Variants in RBFOX2 observed in about 807,000 individuals in gnomAD.
RBFOX2 encodes RNA binding protein fox-1 homolog 2.
Under a neutral mutation model 49.1 loss-of-function variants are expected in RBFOX2, and 10 were observed. That is an observed-to-expected ratio of 0.20 (90% CI 0.13 to 0.35). The LOEUF (loss-of-function observed/expected upper bound fraction) is 0.35, where lower values mean the gene tolerates loss of function less well. Among genes scored for constraint, RBFOX2 ranks in the 10% least tolerant of loss-of-function variants. The pLI is 1.00. For synonymous variants in RBFOX2, 183 were observed against 187.4 expected (o/e 0.98, Z 0.19); for missense variants, 323 against 486.9 (o/e 0.66, Z 3.17).
intron 1 of RBFOX2, among the ~76,000 whole-genome samples, chr22:35,817,662 C>A (rs1029268993): frequency 3.3e-5 from 5 of 152,020 alleles, no homozygotes; most frequent in Non-Finnish European, 7.4e-5. Context: ...ATGTAGGCCT[C>A]ACAATGGATC....
At chr22:35,767,540 G>A (rs1478361452) in intron 5 of RBFOX2, among the ~76,000 whole-genome samples, 1 of 152,122 alleles carries the variant, frequency 6.6e-6, no homozygotes, top group South Asian at 2.1e-4. Context: ...TTGGGAAAGG[G>A]GAAAGGAGCC....
intron 1 of RBFOX2, among the ~76,000 whole-genome samples, chr22:35,970,916 C>A (rs1008905556): frequency 2.6e-5 from 4 of 152,018 alleles, no homozygotes; most frequent in African/African-American, 9.7e-5. Context: ...ATCAGCTAGA[C>A]CCAAAAAACT....
intron 1 of RBFOX2, among the ~76,000 whole-genome samples, chr22:36,004,329 C>T (rs1030463671): frequency 2.0e-5 from 3 of 152,206 alleles, no homozygotes; most frequent in East Asian, 1.9e-4. Context: ...CACATCATTG[C>T]TACCCAAAAC....
exon 5 of RBFOX2, chr22:35,768,271 C>T (rs778630739): frequency 1.9e-6 from 3 of 1,614,044 alleles, no homozygotes; most frequent in South Asian, 1.1e-5. Flanking sequence ...ATTTTACGGC[C>T]CTCTACCACG....
At chr22:35,815,375 G>A (rs959647706) in intron 1 of RBFOX2, among the ~76,000 whole-genome samples, 1 of 152,156 alleles carries the variant, frequency 6.6e-6, no homozygotes, top group African/African-American at 2.4e-5. Context: ...AGTACTGTAA[G>A]AGAACACAGA....
exon 1 of RBFOX2, chr22:36,028,295 A>T: frequency 6.5e-7 from 1 of 1,531,924 alleles, no homozygotes; most frequent in East Asian, 2.7e-5. Flanking sequence ...CCGCTTGCTC[A>T]GGCCGGGATC....
At chr22:35,927,274 A>G (rs146134586) in intron 1 of RBFOX2, among the ~76,000 whole-genome samples, 1 of 152,330 alleles carries the variant, frequency 6.6e-6, no homozygotes, top group East Asian at 1.9e-4. Flanking sequence ...TAAATGCCCA[A>G]GATAGATATT....
chr22:35,879,153 C>T (rs2045549021), intron 1 of RBFOX2, among the ~76,000 whole-genome samples: 1 of 152,202 alleles, frequency 6.6e-6, no homozygotes, highest in South Asian at 2.1e-4. Context: ...AGGAGGAAGA[C>T]ATGAGTATAT....
At chr22:35,859,591 G>A (rs2042898180) in intron 1 of RBFOX2, among the ~76,000 whole-genome samples, 1 of 152,202 alleles carries the variant, frequency 6.6e-6, no homozygotes. Context: ...TAATAACAGA[G>A]TAAACCATGG....
intron 2 of RBFOX2, among the ~76,000 whole-genome samples, chr22:35,808,793 G>T (rs1199944906): frequency 1.3e-5 from 2 of 152,096 alleles, no homozygotes; most frequent in African/African-American, 4.8e-5. Flanking sequence ...AGGTTGCAGT[G>T]AGCTAGCTAT....
intron 3 of RBFOX2, among the ~76,000 whole-genome samples, chr22:35,778,326 A>G (rs1172379578): frequency 6.6e-6 from 1 of 152,210 alleles, no homozygotes; most frequent in African/African-American, 2.4e-5. Flanking sequence ...CCCATTAGAT[A>G]CTTCATGTGG....
At chr22:35,840,141 T>G (rs1958468853) in intron 1 of RBFOX2, 3 of 1,596,472 alleles carry the variant, frequency 1.9e-6, no homozygotes, top group Non-Finnish European at 2.6e-6. Flanking sequence ...AAACCTTTAT[T>G]TAGATCCCAG....
In RBFOX2 at chr22:35,948,346, T is replaced by TA. The variant is rs1482361316; in HGVS notation, c.43-9450dup. ...ACAAATCCACTTTGTTCTTGCATTT[T>TA]AAAAAAATAAAATAAAATTCAATCA... On this transcript the variant is annotated intron_variant, in intron 1 of 5. Coordinates refer to the RBFOX2 transcript ENST00000408983. Among the ~76,000 whole-genome samples, 13 of 152,166 alleles carry TA rather than the reference T, an allele frequency of 8.5e-5. No homozygotes were observed. The South Asian group carries it at 2.3e-3, about 27-fold the overall frequency.
chr22:35,888,040 C>T (rs1312396005), intron 1 of RBFOX2, among the ~76,000 whole-genome samples: 1 of 152,132 alleles, frequency 6.6e-6, no homozygotes, highest in Admixed American at 6.5e-5. Flanking sequence ...CCTCATACTA[C>T]ACAGAGTCCT....
chr22:35,777,423 AAACT>A (rs900973332), intron 4 of RBFOX2, among the ~76,000 whole-genome samples: 8 of 152,348 alleles, frequency 5.3e-5, no homozygotes, highest in Admixed American at 3.9e-4. Context: ...TATGCAAAAA[AAACT>A]AACTCACTGT....
upstream of RBFOX2, among the ~76,000 whole-genome samples, chr22:35,962,577 T>C (rs1051054941): frequency 2.0e-5 from 3 of 152,176 alleles, no homozygotes; most frequent in African/African-American, 2.4e-5. Flanking sequence ...CCTTTCATAA[T>C]CATAGATATA....
chr22:35,746,884 C>CT lies in RBFOX2; in HGVS notation c.888-324dup, dbSNP rs1932925122. 1.8e-5 allele frequency: 4 copies of CT among 227,274 alleles called. No individual in the cohort carries two copies. In the East Asian group the frequency reaches 3.4e-4, roughly 20 times the overall value. 14.1% of individuals were successfully genotyped at this position (227,274 alleles called of 1,614,324 possible). On this transcript the variant is annotated intron_variant, in intron 9 of 11. Transcript: ENST00000405409. ...TCTTACTTCACAGTCTTTGTTGGAACTTTCAAAAGCGAAAATATTTACAGC... is the reference window on the plus strand; with the variant it reads ...TCTTACTTCACAGTCTTTGTTGGAACTTTTCAAAAGCGAAAATATTTACAGC...
At chr22:36,008,335 T>C (rs2146333820) in intron 1 of RBFOX2, among the ~76,000 whole-genome samples, 1 of 152,132 alleles carries the variant, frequency 6.6e-6, no homozygotes, top group Non-Finnish European at 1.5e-5. Context: ...TTCAATCAAA[T>C]TTTGTCTCCA....
At chr22:35,784,854 C>T (rs1189179072) in intron 2 of RBFOX2, among the ~76,000 whole-genome samples, 1 of 152,192 alleles carries the variant, frequency 6.6e-6, no homozygotes, top group Non-Finnish European at 1.5e-5. Context: ...CGTTGCCGGC[C>T]GCTGCGGTGG....
Sources: allele counts gnomAD v4.1 joint callset (sites outside exome capture counted in the v4.1 genomes callset), GRCh38; gene constraint gnomAD v4.1.1; transcripts MANE v1.5; gene names NCBI Gene and HGNC (gene_info 2026-07-23, HGNC 2026-07-21).